IRF2: variants seen among roughly 807,000 people sequenced by gnomAD.
IRF2 encodes interferon regulatory factor 2.
IRF2 carries 15 observed loss-of-function variants against 40.6 expected under a neutral mutation model. The observed-to-expected ratio is 0.37, with a 90% CI of 0.25 to 0.57. IRF2 has a LOEUF of 0.57. Among genes scored for constraint, IRF2 ranks in the 20% least tolerant of loss-of-function variants. The pLI, the probability that IRF2 is intolerant of heterozygous loss-of-function variation, is 0.77. For synonymous variants in IRF2, 151 were observed against 165.5 expected (o/e 0.91, Z 0.67); for missense variants, 317 against 455.7 (o/e 0.70, Z 2.77).
chr4:184,423,065 T>G (rs1369270175), intron 2 of IRF2, among the ~76,000 whole-genome samples: 1 of 152,150 alleles, frequency 6.6e-6, no homozygotes, highest in Admixed American at 6.5e-5. Flanking sequence ...TATGAAAAGG[T>G]AAGAGAAAGC....
intron 2 of IRF2, among the ~76,000 whole-genome samples, chr4:184,420,748 A>G (rs577758375): frequency 1.9e-4 from 29 of 152,332 alleles, no homozygotes; most frequent in Non-Finnish European, 3.4e-4. Context: ...CCACATCCAC[A>G]GGGACCTCAG....
At chr4:184,419,624 C>G (rs2149900679) in intron 2 of IRF2, 56 bp from the exon 3 acceptor site, 1 of 1,262,256 alleles carries the variant, frequency 7.9e-7, no homozygotes. Context: ...TTTTGGCCCA[C>G]CATTGCAAAA....
intron 4 of IRF2, 73 bp downstream of exon 4, chr4:184,418,459 T>A: frequency 7.3e-7 from 1 of 1,372,620 alleles, no homozygotes; most frequent in Non-Finnish European, 1.0e-6. Flanking sequence ...ACTGCAGATG[T>A]AGAAATGAAG....
intron 5 of IRF2, among the ~76,000 whole-genome samples, chr4:184,412,402 C>T (rs1324541862): frequency 1.3e-5 from 2 of 152,150 alleles, no homozygotes; most frequent in Non-Finnish European, 2.9e-5. Flanking sequence ...CTGTCTCAAC[C>T]CTGTGCTAAT....
chr4:184,469,453 G>C (rs1359884806), intron 1 of IRF2, among the ~76,000 whole-genome samples: 1 of 152,224 alleles, frequency 6.6e-6, no homozygotes, highest in Non-Finnish European at 1.5e-5. Flanking sequence ...GAGGAGGGAG[G>C]ATCATTTGAG....
rs773746266 is a variant in IRF2, at chr4:184,388,775, G to A, written c.1033C>T (p.Arg345Cys). 5.6e-6 allele frequency: 9 copies of A among 1,611,448 alleles called. No individual in the cohort carries two copies. The East Asian group carries it at 6.7e-5, about 12-fold the overall frequency. The change falls in exon 9 of 9, where the codon CGC becomes TGC. Residue 345 changes from arginine to cysteine, a missense_variant. Physicochemically the swap from Arg to Cys is radical, Grantham distance 180. Around this residue, in one of 2 missense-constraint regions of IRF2, gnomAD observed 262 missense variants for 334.0 expected, o/e 0.78. Transcript: ENST00000393593. This position sits in a 1 kb window ranked among gnomAD's most constrained non-coding sequence, Gnocchi z 4.6. ...TCAGAGGCTTAACAGCTCTTGACGC[G>A]GGCCTGGGTGATATCCGATGTTTTC... is the stretch of plus-strand genomic sequence containing the variant. ...IKKTSDITQA[R>C]VKSC is the part of the protein sequence containing the mutation.
At chr4:184,455,990 G>A (rs375392154) in intron 1 of IRF2, among the ~76,000 whole-genome samples, 1 of 152,182 alleles carries the variant, frequency 6.6e-6, no homozygotes, top group Non-Finnish European at 1.5e-5. Context: ...AGGTGGGCAC[G>A]TCAGTGTTAA....
At chr4:184,439,019 G>GA (rs950027967) in intron 1 of IRF2, among the ~76,000 whole-genome samples, 1 of 152,104 alleles carries the variant, frequency 6.6e-6, no homozygotes, top group Non-Finnish European at 1.5e-5. Context: ...GCTAGATACG[G>GA]AAAAAACCAT....
At chr4:184,447,475 T>A (rs1158146935) in intron 1 of IRF2, among the ~76,000 whole-genome samples, 1 of 152,164 alleles carries the variant, frequency 6.6e-6, no homozygotes, top group East Asian at 1.9e-4. Context: ...AGCCAAGAAA[T>A]ACCAATGGAT....
At chr4:184,456,043 C>T (rs1266311221) in intron 1 of IRF2, among the ~76,000 whole-genome samples, 1 of 152,214 alleles carries the variant, frequency 6.6e-6, no homozygotes, top group East Asian at 1.9e-4. Context: ...AGGTGAGACT[C>T]GAAGCCTGCC....
intron 1 of IRF2, among the ~76,000 whole-genome samples, chr4:184,466,875 G>A (rs1158765729): frequency 1.3e-5 from 2 of 152,176 alleles, no homozygotes; most frequent in Non-Finnish European, 2.9e-5. Context: ...CTGTACTGAG[G>A]ACCGTAGGCC....
intron 5 of IRF2, among the ~76,000 whole-genome samples, chr4:184,411,258 C>G (rs1737063981): frequency 6.6e-6 from 1 of 152,044 alleles, no homozygotes; most frequent in South Asian, 2.1e-4. Context: ...GGGGTTTCAC[C>G]ATGTTGGCCA....
At chr4:184,455,526 G>T (rs1419157291) in intron 1 of IRF2, among the ~76,000 whole-genome samples, 1 of 151,562 alleles carries the variant, frequency 6.6e-6, no homozygotes, top group East Asian at 1.9e-4. Flanking sequence ...GTCCTGTGAG[G>T]AGGAGTCCCA....
chr4:184,461,975 T>A (rs900974582), intron 1 of IRF2, among the ~76,000 whole-genome samples: 1 of 152,154 alleles, frequency 6.6e-6, no homozygotes, highest in Non-Finnish European at 1.5e-5. Flanking sequence ...CATCCCCAGG[T>A]GTCCAGCCTC....
intron 8 of IRF2, 40 bp from the exon 9 acceptor site, chr4:184,389,106 T>A (rs968201424): frequency 6.3e-7 from 1 of 1,593,284 alleles, no homozygotes. Flanking sequence ...TCCTTCTCCT[T>A]CTATTGGATG....
chr4:184,469,415 G>T (rs923850458), intron 1 of IRF2, among the ~76,000 whole-genome samples: 2 of 152,218 alleles, frequency 1.3e-5, no homozygotes, highest in African/African-American at 4.8e-5. Context: ...AGTGGCTCAC[G>T]CCTATAATCC....
Position 184,408,060 on chromosome 4 carries a change from T to C in IRF2, c.529+98A>G. 1.4e-6 allele frequency: 1 copy of C among 701,626 alleles called. No individual in the cohort carries two copies. The highest frequency in any genetic ancestry group is 2.6e-5 in the East Asian group (1 of 39,202). The allele number at this position is 701,626 out of a possible 1,614,324, so 43.5% of individuals were successfully genotyped here. A position where few individuals can be genotyped will look rare whatever the true frequency, so the allele number is the denominator to read the frequency against. On this transcript the variant is annotated intron_variant, in intron 6 of 8. Transcript: ENST00000393593. This position sits in a 1 kb window ranked among gnomAD's most constrained non-coding sequence, Gnocchi z 4.9. ...ATTCTGAGATGATTCCAAGACCTCC[T>C]CCCACTGACTATGTTATTTGAAGTT...
At position 184,413,364 on chromosome 4, in the gene IRF2, C is replaced by T. The variant is rs1436116550; in HGVS notation, c.411+4803G>A. Among the ~76,000 whole-genome samples the T allele has an allele frequency of 1.3e-5, 2 of 152,224 alleles. No individual in the cohort carries two copies. The highest frequency in any genetic ancestry group is 2.1e-4 in the South Asian group (1 of 4,834). On this transcript the variant is annotated intron_variant, in intron 5 of 8. Coordinates refer to ENST00000393593, the MANE Select transcript of IRF2 (RefSeq NM_002199.4). The surrounding 1 kb of genome is among the most constrained non-coding windows in gnomAD (Gnocchi z 4.2). ...GCTACCACATGGGAAGGGAGGATCC[C>T]GGGCAGGCAGAATAAGCCTGATAAC...
At chr4:184,470,627 T>C (rs1278573674) in intron 1 of IRF2, among the ~76,000 whole-genome samples, 1 of 144,818 alleles carries the variant, frequency 6.9e-6, no homozygotes, top group East Asian at 2.0e-4. Flanking sequence ...GAAGCAGAGG[T>C]TGCGGTGAGC....
Sources: gnomAD v4.1 joint callset for allele counts (sites outside exome capture counted in the v4.1 genomes callset) on GRCh38, gnomAD v4.1.1 for gene constraint, gnomAD v4.1.1 regional missense constraint, Gnocchi (gnomAD v3.1) non-coding constraint, MANE v1.5 for transcripts, NCBI Gene and HGNC (gene_info 2026-07-23, HGNC 2026-07-21) for gene names.